KIF5C: variants seen among roughly 807,000 people sequenced by gnomAD.
KIF5C encodes the protein kinesin family member 5C.
KIF5C carries 18 observed loss-of-function variants against 125.2 expected under a neutral mutation model. That is an observed-to-expected ratio of 0.14 (90% CI 0.10 to 0.21). The LOEUF is 0.21. Ranked by LOEUF, KIF5C falls within the 10% of genes least tolerant of loss-of-function variation. KIF5C has a pLI of 1.00. For missense variants in KIF5C, 780 were observed against 1,183.8 expected, an observed-to-expected ratio of 0.66 and a Z score of 5.01; for synonymous variants, 405 against 434.0, an observed-to-expected ratio of 0.93 and a Z score of 0.83.
chr2:149,004,500 G>T (rs940332853), intron 21 of KIF5C, among the ~76,000 whole-genome samples: 1 of 152,070 alleles, frequency 6.6e-6, no homozygotes, highest in Non-Finnish European at 1.5e-5. Flanking sequence ...ACCAGATTTG[G>T]CTCAGGCTCT....
intron 6 of KIF5C, 97 bp downstream of exon 6, chr2:148,942,087 G>C: frequency 7.3e-7 from 1 of 1,362,586 alleles, no homozygotes; most frequent in Non-Finnish European, 1.0e-6. Flanking sequence ...TCTGTAAAGA[G>C]CATATAGGCA....
intron 1 of KIF5C, among the ~76,000 whole-genome samples, chr2:148,900,574 G>C (rs1680856318): frequency 6.6e-6 from 1 of 152,132 alleles, no homozygotes; most frequent in African/African-American, 2.4e-5. Context: ...CAAGCTTCCT[G>C]CCTCCTTTCT....
chr2:149,007,772 C>G (rs1682052529), intron 22 of KIF5C, among the ~76,000 whole-genome samples, 191 bp from the exon 23 acceptor site: 2 of 151,918 alleles, frequency 1.3e-5, no homozygotes, highest in South Asian at 4.1e-4. Context: ...ATTAGCTCCT[C>G]AAATCGCTTT....
intron 1 of KIF5C, among the ~76,000 whole-genome samples, chr2:148,900,632 T>C (rs1680862609): frequency 6.6e-6 from 1 of 152,038 alleles, no homozygotes; most frequent in Non-Finnish European, 1.5e-5. Flanking sequence ...GTCATTCCCA[T>C]AGCAACACTG....
chr2:148,912,003 T>C (rs551460183), intron 1 of KIF5C, among the ~76,000 whole-genome samples: 1 of 152,312 alleles, frequency 6.6e-6, no homozygotes, highest in South Asian at 2.1e-4. Context: ...CCATCCCAAC[T>C]TCACTGCTTA....
chr2:148,925,921 G>T (rs1681974821), intron 2 of KIF5C, among the ~76,000 whole-genome samples: 1 of 152,144 alleles, frequency 6.6e-6, no homozygotes, highest in South Asian at 2.1e-4. Flanking sequence ...CTGGCCAGCC[G>T]GCATGCGGGC....
chr2:148,923,941 T>G (rs1681890896), intron 2 of KIF5C, among the ~76,000 whole-genome samples: 1 of 152,208 alleles, frequency 6.6e-6, no homozygotes, highest in Admixed American at 6.5e-5. Context: ...CTGGATAACT[T>G]GAGACCCAAT....
chr2:149,017,217 T>C (rs1248809562), intron 25 of KIF5C, among the ~76,000 whole-genome samples: 1 of 152,082 alleles, frequency 6.6e-6, no homozygotes, highest in Non-Finnish European at 1.5e-5. Flanking sequence ...ACAGCATAGT[T>C]GTGTGCGATG....
Position 149,001,899 on chromosome 2 carries a change from C to T in KIF5C, c.2373+1117C>T, listed in dbSNP as rs192383633. On this transcript the variant is annotated intron_variant, in intron 21 of 25. Transcript: ENST00000435030. Reference sequence around the variant, plus strand: ...ACCCCACATTGGTGGGAACTGGTTGCTTGGGTCTGGCCCTGAGATTGTGCT... The same window carrying T: ...ACCCCACATTGGTGGGAACTGGTTGTTTGGGTCTGGCCCTGAGATTGTGCT... Among the ~76,000 whole-genome samples, 1,255 of 152,322 alleles carry T rather than the reference C, an allele frequency of 8.2e-3. 70 individuals carry two copies. Among genetic ancestry groups the T allele is most frequent in the Admixed American group, 0.078 (1,201 of 15,306 alleles).
chr2:148,942,080 G>T, intron 6 of KIF5C, 90 bp downstream of exon 6: 1 of 1,448,794 alleles, frequency 6.9e-7, no homozygotes, highest in East Asian at 2.3e-5. Context: ...AATATTATCT[G>T]TAAAGAGCAT....
intron 17 of KIF5C, among the ~76,000 whole-genome samples, chr2:148,995,884 C>T (rs922724345): frequency 5.9e-5 from 9 of 152,180 alleles, no homozygotes; most frequent in Admixed American, 2.6e-4. Context: ...CAGCTGGGCA[C>T]GGTGGCTCAC....
At chr2:149,009,679 A>G (rs577971057) in intron 23 of KIF5C, among the ~76,000 whole-genome samples, 3 of 152,314 alleles carry the variant, frequency 2.0e-5, no homozygotes, top group East Asian at 1.9e-4. Flanking sequence ...ATGCCAGTGT[A>G]AACAGCAGGT....
At chr2:149,003,081 T>G (rs889309055) in intron 21 of KIF5C, among the ~76,000 whole-genome samples, 5 of 151,490 alleles carry the variant, frequency 3.3e-5, no homozygotes, top group Non-Finnish European at 7.4e-5. Context: ...TCTCCCTCAC[T>G]CTCACCACCC....
In KIF5C at chr2:148,957,196, G is replaced by A. The variant is rs565461550; in HGVS notation, c.969-4775G>A. 2.0e-5 allele frequency among the ~76,000 whole-genome samples: 3 copies of A among 152,312 alleles called. No homozygotes were observed. The East Asian group carries it at 5.8e-4, about 29-fold the overall frequency. On this transcript the variant is annotated intron_variant, in intron 10 of 25. Transcript: ENST00000435030. ...CTGAACAATAAATGCACACGTGTGG[G>A]CCTGTGCCCAAGTTCCGGATCATGT...
chr2:149,013,860 C>T (rs374432550), intron 25 of KIF5C, among the ~76,000 whole-genome samples: 1 of 152,178 alleles, frequency 6.6e-6, no homozygotes, highest in Admixed American at 6.5e-5. Flanking sequence ...GAGTGAAAAT[C>T]AGTAGGTCTG....
Position 149,024,268 on chromosome 2 carries a change from T to G in KIF5C, c.*1198T>G, listed in dbSNP as rs1037655272. ...AACCCTTACTTCCAGTTGTGCTTAT[T>G]AAGAAGATCAATTTCCAAGTAGTAA... On this transcript the variant is annotated 3_prime_UTR_variant, in exon 26 of 26. Transcript: ENST00000435030. 1 of 152,570 alleles carries G rather than the reference T, an allele frequency of 6.6e-6. No homozygotes were observed. The highest frequency in any genetic ancestry group is 1.5e-5 in the Non-Finnish European group (1 of 68,032). 9.5% of individuals were successfully genotyped at this position (152,570 alleles called of 1,614,324 possible). A position where few individuals can be genotyped will look rare whatever the true frequency, so the allele number is the denominator to read the frequency against.
chr2:148,902,002 T>C (rs1323327167), intron 1 of KIF5C, among the ~76,000 whole-genome samples: 1 of 152,204 alleles, frequency 6.6e-6, no homozygotes, highest in East Asian at 1.9e-4. Flanking sequence ...TGGTTACTTC[T>C]TGCCCCTCCC....
chr2:148,919,169 G>A (rs1681681918), intron 1 of KIF5C, among the ~76,000 whole-genome samples: 2 of 152,192 alleles, frequency 1.3e-5, no homozygotes, highest in South Asian at 2.1e-4. Context: ...GAGAGATGAA[G>A]GCTGAAATAT....
At chr2:148,964,081 G>A (rs781262812) in intron 11 of KIF5C, among the ~76,000 whole-genome samples, 23 of 152,042 alleles carry the variant, frequency 1.5e-4, no homozygotes, top group African/African-American at 3.4e-4. Flanking sequence ...TTCGAGACCC[G>A]CCTGGCCAAC....
Sources: allele counts gnomAD v4.1 joint callset (sites outside exome capture counted in the v4.1 genomes callset), GRCh38; gene constraint gnomAD v4.1.1; transcripts MANE v1.5; gene names NCBI Gene and HGNC (gene_info 2026-07-23, HGNC 2026-07-21).